The following SIPA1L1 variants were observed in gnomAD, a reference collection of about 807,000 sequenced individuals.
The protein encoded by SIPA1L1 is signal induced proliferation associated 1 like 1.
SIPA1L1 carries 26 observed loss-of-function variants against 162.7 expected under a neutral mutation model. The ratio of observed to expected loss-of-function variants is 0.16; its 90% confidence interval spans 0.12 to 0.22. The LOEUF (loss-of-function observed/expected upper bound fraction) is 0.22, where lower values mean the gene tolerates loss of function less well. Among genes scored for constraint, SIPA1L1 ranks in the 10% least tolerant of loss-of-function variants. The pLI is 1.00. For synonymous variants in SIPA1L1, 829 were observed against 837.4 expected, an observed-to-expected ratio of 0.99 and a Z score of 0.17; for missense variants, 1,874 against 2,241.0, an observed-to-expected ratio of 0.84 and a Z score of 3.31.
chr14:71,544,261 T>C (rs1044029636), intron 4 of SIPA1L1, among the ~76,000 whole-genome samples: 5 of 106,784 alleles, frequency 4.7e-5, no homozygotes, highest in African/African-American at 1.1e-4. Flanking sequence ...TATATACACA[T>C]GATATGTGTA....
chr14:71,679,369 C>T (rs2045549247), intron 12 of SIPA1L1, among the ~76,000 whole-genome samples: 1 of 152,178 alleles, frequency 6.6e-6, no homozygotes, highest in Non-Finnish European at 1.5e-5. Context: ...AAATCCTTTA[C>T]AGACAAGCAA....
At chr14:71,600,709 T>C (rs979368855) in intron 5 of SIPA1L1, among the ~76,000 whole-genome samples, 1 of 152,212 alleles carries the variant, frequency 6.6e-6, no homozygotes, top group African/African-American at 2.4e-5. Flanking sequence ...ATTCTTCCAA[T>C]CAATGGGCAT....
At chr14:71,733,504 A>G (rs909723027) in intron 20 of SIPA1L1, among the ~76,000 whole-genome samples, 162 bp from the exon 21 acceptor site, 1 of 152,226 alleles carries the variant, frequency 6.6e-6, no homozygotes, top group African/African-American at 2.4e-5. Context: ...GCCGATTCCT[A>G]TTTCAAGTCA....
At chr14:71,636,907 C>T (rs1163358593) in intron 7 of SIPA1L1, among the ~76,000 whole-genome samples, 2 of 151,652 alleles carry the variant, frequency 1.3e-5, no homozygotes, top group Non-Finnish European at 2.9e-5. Context: ...AAAAATTAGC[C>T]GGGCATGGTG....
intron 2 of SIPA1L1, among the ~76,000 whole-genome samples, chr14:71,481,895 TA>T (rs2048380914): frequency 6.6e-6 from 1 of 152,210 alleles, no homozygotes; most frequent in South Asian, 2.1e-4. Context: ...AAAACGATAA[TA>T]AAATACAAAG....
intron 4 of SIPA1L1, among the ~76,000 whole-genome samples, chr14:71,542,683 T>C (rs2054566880): frequency 2.1e-5 from 2 of 95,342 alleles, no homozygotes; most frequent in Non-Finnish European, 4.3e-5. Context: ...CTCCTCCTCC[T>C]TCCTTCTCCC....
At position 71,530,496 on chromosome 14, in the gene SIPA1L1, A is replaced by G. The variant is rs528213278; in HGVS notation, c.-303+1126A>G. On this transcript the variant is annotated intron_variant, in intron 4 of 23. Coordinates refer to ENST00000381232, the MANE Select transcript of SIPA1L1 (RefSeq NM_001386936.1). ...TCTTTGTGTTTTCTTAGAACAGTCT[A>G]TACCCTTCTAATTCCTTGTTTTTGT... is the stretch of plus-strand genomic sequence containing the variant. 5.9e-5 allele frequency among the ~76,000 whole-genome samples: 9 copies of G among 152,302 alleles called. No individual in the cohort carries two copies. The East Asian group carries it at 1.2e-3, about 20-fold the overall frequency.
chr14:71,541,830 CAG>C (rs1427110613), intron 4 of SIPA1L1, among the ~76,000 whole-genome samples: 1 of 152,148 alleles, frequency 6.6e-6, no homozygotes, highest in Non-Finnish European at 1.5e-5. Context: ...TCATTCAAAA[CAG>C]AGATTCTAGT....
At position 71,588,382 on chromosome 14, in the gene SIPA1L1, A is replaced by G. The variant is rs1350737294; in HGVS notation, c.510A>G (p.Ile170Met). The G allele has an allele frequency of 1.2e-6, 2 of 1,614,030 alleles. No homozygotes were observed. Among genetic ancestry groups the G allele is most frequent in the Middle Eastern group, 1.6e-4 (1 of 6,062 alleles). Residue 170 changes from isoleucine to methionine, a missense_variant, in exon 5 of 24, where the codon ATA becomes ATG. By Grantham distance (10) the Ile-to-Met change is conservative. Around this residue, in one of 5 missense-constraint regions of SIPA1L1, gnomAD observed 685 missense variants for 828.0 expected, o/e 0.83. Transcript: ENST00000381232. The surrounding 1 kb of genome is among the most constrained non-coding windows in gnomAD (Gnocchi z 4.3). The part of the protein sequence containing the change: ...PSSPRKALRR[I>M]RQRSNSDITI... ...CCCCCAGAAAAGCTCTTCGCAGAAT[A>G]CGCCAGCGAAGCAACAGTGATATCA...
chr14:71,736,484 A>G (rs71427125), intron 22 of SIPA1L1, among the ~76,000 whole-genome samples: 1,971 of 152,338 alleles, frequency 0.013, 17 homozygotes, highest in South Asian at 0.026. Context: ...AGGAAAGCCA[A>G]TTGAAGTAAA....
intron 2 of SIPA1L1, among the ~76,000 whole-genome samples, chr14:71,387,440 T>A (rs1216707518): frequency 6.6e-6 from 1 of 152,066 alleles, no homozygotes; most frequent in Non-Finnish European, 1.5e-5. Flanking sequence ...CATGCCACCC[T>A]GTCTAAGGAA....
chr14:71,556,833 C>T (rs918518419), intron 4 of SIPA1L1, among the ~76,000 whole-genome samples: 6 of 152,086 alleles, frequency 3.9e-5, no homozygotes, highest in African/African-American at 1.2e-4. Flanking sequence ...AGCACATTAT[C>T]TAAATCCAGC....
At chr14:71,632,412 A>C (rs961025656) in intron 7 of SIPA1L1, among the ~76,000 whole-genome samples, 11 of 152,224 alleles carry the variant, frequency 7.2e-5, no homozygotes, top group Non-Finnish European at 1.3e-4. Flanking sequence ...ACTTTAAAAC[A>C]GGAATCTCTC....
chr14:71,386,906 A>T (rs2040365790), intron 2 of SIPA1L1, among the ~76,000 whole-genome samples: 1 of 152,242 alleles, frequency 6.6e-6, no homozygotes, highest in African/African-American at 2.4e-5. Context: ...TTGTGTGAAA[A>T]ATCTTCCCTA....
intron 5 of SIPA1L1, among the ~76,000 whole-genome samples, chr14:71,592,683 T>C (rs2035553619): frequency 6.6e-6 from 1 of 152,214 alleles, no homozygotes; most frequent in Non-Finnish European, 1.5e-5. Context: ...ATACAGCTGA[T>C]ATTATATGTA....
chr14:71,364,748 ATT>A lies in SIPA1L1; in HGVS notation c.-465+43581_-465+43582del, dbSNP rs35338562. Among the ~76,000 whole-genome samples, 248 of 146,040 alleles carry A rather than the reference ATT, an allele frequency of 1.7e-3. 1 individual carries two copies. Among genetic ancestry groups the A allele is most frequent in the Admixed American group, 2.8e-3 (41 of 14,620 alleles). On this transcript the variant is annotated intron_variant, in intron 2 of 23. Transcript: ENST00000381232. ...ATCTGCATATTCCAGCAGAACATCA[ATT>A]TTTTTTTTTTTTTGAGACAGAGTCT...
intron 2 of SIPA1L1, among the ~76,000 whole-genome samples, chr14:71,478,959 G>C (rs1420052556): frequency 6.9e-6 from 1 of 144,576 alleles, no homozygotes; most frequent in Non-Finnish European, 1.5e-5. Flanking sequence ...GAATTAAAAA[G>C]AAAAAAAAAA....
intron 7 of SIPA1L1, among the ~76,000 whole-genome samples, chr14:71,630,412 A>G (rs2040450321): frequency 1.3e-5 from 2 of 152,232 alleles, no homozygotes; most frequent in Admixed American, 6.5e-5. Flanking sequence ...GACTGATAGC[A>G]TTAGCATTTG....
chr14:71,631,615 T>A (rs992843103), intron 7 of SIPA1L1, among the ~76,000 whole-genome samples: 1 of 152,240 alleles, frequency 6.6e-6, no homozygotes, highest in Non-Finnish European at 1.5e-5. Flanking sequence ...AATTATTGTG[T>A]GTGGATTATT....
Sources: gnomAD v4.1 joint callset for allele counts (sites outside exome capture counted in the v4.1 genomes callset) on GRCh38, gnomAD v4.1.1 for gene constraint, gnomAD v4.1.1 regional missense constraint, Gnocchi (gnomAD v3.1) non-coding constraint, MANE v1.5 for transcripts, NCBI Gene and HGNC (gene_info 2026-07-23, HGNC 2026-07-21) for gene names.